GOLGA4: variants seen among roughly 807,000 people sequenced by gnomAD.
GOLGA4 encodes golgin A4.
A neutral mutation model predicts 265.9 loss-of-function variants in GOLGA4; 169 were observed. The observed-to-expected ratio is 0.64, with a 90% CI of 0.56 to 0.72. The LOEUF is 0.72. GOLGA4 is among the 30% of genes least tolerant of loss of function. The pLI is 0.00. For synonymous variants in GOLGA4, 923 were observed against 855.8 expected (o/e 1.08, Z -1.37); for missense variants, 2,482 against 2,483.4 (o/e 1.00, Z 0.01).
rs55842993 is a variant in GOLGA4, at chr3:37,294,382, ATT to A, written c.583-579_583-578del. ...CAAAGTTTTTCTTTTATCTTAAGTAATTTTTTTTTTTTTTTTTTTGGGAGACC... is the reference window on the plus strand; with the variant it reads ...CAAAGTTTTTCTTTTATCTTAAGTAATTTTTTTTTTTTTTTTTGGGAGACC... On this transcript the variant is annotated intron_variant, in intron 5 of 23. Transcript: ENST00000361924. 8.9e-3 allele frequency among the ~76,000 whole-genome samples: 1,181 copies of A among 131,962 alleles called. 12 individuals carry two copies. The highest frequency in any genetic ancestry group is 0.026 in the African/African-American group (892 of 34,784). 86.6% of individuals were successfully genotyped at this position (131,962 alleles called of 152,430 possible).
At chr3:37,257,979 ATATATG>A (rs1348570401) in intron 2 of GOLGA4, among the ~76,000 whole-genome samples, 1 of 105,514 alleles carries the variant, frequency 9.5e-6, no homozygotes, top group Non-Finnish European at 1.8e-5. Context: ...ACATACATAT[ATATATG>A]TATGTATATA....
At chr3:37,300,727 T>C (rs1484604435) in intron 9 of GOLGA4, among the ~76,000 whole-genome samples, 4 of 152,146 alleles carry the variant, frequency 2.6e-5, no homozygotes, top group African/African-American at 4.8e-5. Context: ...ATAAAAGACA[T>C]TATTTTTACA....
intron 7 of GOLGA4, 97 bp downstream of exon 7, chr3:37,296,316 T>C: frequency 8.3e-7 from 1 of 1,204,910 alleles, no homozygotes; most frequent in Non-Finnish European, 1.2e-6. Flanking sequence ...GAGGCCAGTG[T>C]GGGAGGATCG....
At chr3:37,302,024 G>C (rs2096894270) in intron 9 of GOLGA4, among the ~76,000 whole-genome samples, 161 bp from the exon 10 acceptor site, 1 of 152,098 alleles carries the variant, frequency 6.6e-6, no homozygotes, top group African/African-American at 2.4e-5. Flanking sequence ...CCTGATCTCA[G>C]GTGATCCACC....
chr3:37,251,332 C>G lies in GOLGA4; in HGVS notation c.73-63C>G. ...TGGGCATGGACTGAGAGAAGGACTA[C>G]CTAGTTCATAGTTCACTAGTCAATA... On this transcript the variant is annotated intron_variant, in intron 1 of 23. Coordinates refer to ENST00000361924, the MANE Select transcript of GOLGA4 (RefSeq NM_002078.5). The G allele has an allele frequency of 3.0e-6, 3 of 984,736 alleles. No homozygotes were observed. In the Admixed American group the frequency reaches 5.2e-5, roughly 17 times the overall value. The allele number at this position is 984,736 out of a possible 1,614,324, so 61.0% of individuals were successfully genotyped here.
In GOLGA4 at chr3:37,327,719, G is replaced by A. The variant is rs749072869; in HGVS notation, c.5833G>A (p.Glu1945Lys). Residue 1945 changes from glutamate (E) to lysine (K), a missense_variant, in exon 14 of 24, where the codon GAG becomes AAG. Physicochemically the swap from Glu to Lys is moderately conservative, Grantham distance 56. Around this residue, in one of 3 missense-constraint regions of GOLGA4, gnomAD observed 942 missense variants for 983.1 expected, o/e 0.96. Coordinates refer to ENST00000361924, the MANE Select transcript of GOLGA4 (RefSeq NM_002078.5). The part of the protein sequence containing the change: ...AEREKQKLGK[E>K]IVRLQKDLRM... ...ACGGGAGAAACAGAAACTGGGCAAG[G>A]AGATTGTTAGATTGCAGAAAGACCT... 2 of 1,613,832 alleles carry A rather than the reference G, an allele frequency of 1.2e-6. No individual in the cohort carries two copies. The highest frequency in any genetic ancestry group is 1.7e-6 in the Non-Finnish European group (2 of 1,179,774).
rs748763413 is a variant in GOLGA4, at chr3:37,327,204, A to G, written c.5318A>G (p.Tyr1773Cys). 2.5e-6 allele frequency: 4 copies of G among 1,613,948 alleles called. No individual in the cohort carries two copies. The South Asian group carries it at 4.4e-5, about 18-fold the overall frequency. ...VSSHFEMRCQ[Y>C]QERLIKLEHA... ...TCTCATTTTGAAATGCGATGCCAAT[A>G]CCAGGAGCGCTTAATAAAGCTAGAA... The change falls in exon 14 of 24, where the codon TAC (tyrosine) becomes TGC (cysteine). Residue 1773 changes from tyrosine to cysteine, a missense_variant. Transcript: ENST00000361924.
chr3:37,257,975 A>C lies in GOLGA4; in HGVS notation c.162+6491A>C, dbSNP rs1233137205. On this transcript the variant is annotated intron_variant, in intron 2 of 23. Coordinates refer to ENST00000361924, the MANE Select transcript of GOLGA4 (RefSeq NM_002078.5). ...TATGTATATATGTATATATACATACATATATATATGTATGTATATATGTAT... is the reference window on the plus strand; with the variant it reads ...TATGTATATATGTATATATACATACCTATATATATGTATGTATATATGTAT... Among the ~76,000 whole-genome samples the C allele has an allele frequency of 9.7e-5, 5 of 51,492 alleles. No homozygotes were observed. In the East Asian group the frequency reaches 1.3e-3, roughly 14 times the overall value. The allele number at this position is 51,492 out of a possible 152,430, so 33.8% of individuals were successfully genotyped here.
chr3:37,354,234 A>G (rs561921472), intron 21 of GOLGA4, among the ~76,000 whole-genome samples: 13 of 152,140 alleles, frequency 8.5e-5, no homozygotes, highest in Admixed American at 2.6e-4. Flanking sequence ...TGCAAAGTCT[A>G]TGTAACTATG....
chr3:37,281,912 A>C, intron 2 of GOLGA4, 46 bp from the exon 3 acceptor site: 1 of 1,347,742 alleles, frequency 7.4e-7, no homozygotes. Context: ...TGGAAGTCTA[A>C]ATGTATGTAT....
At chr3:37,280,997 A>C (rs895023449) in intron 2 of GOLGA4, among the ~76,000 whole-genome samples, 1 of 152,182 alleles carries the variant, frequency 6.6e-6, no homozygotes, top group Non-Finnish European at 1.5e-5. Context: ...TTGCCTACAC[A>C]TGACCTCAGT....
intron 2 of GOLGA4, among the ~76,000 whole-genome samples, chr3:37,277,444 G>T (rs1472445925): frequency 6.6e-6 from 1 of 152,164 alleles, no homozygotes; most frequent in African/African-American, 2.4e-5. Context: ...AAAATGTTTA[G>T]CATCTTAGTG....
chr3:37,268,171 C>T (rs1208876757), intron 2 of GOLGA4, among the ~76,000 whole-genome samples: 1 of 152,036 alleles, frequency 6.6e-6, no homozygotes, highest in Non-Finnish European at 1.5e-5. Flanking sequence ...ACCCTCAAAT[C>T]CCTGGGCTCA....
At chr3:37,312,604 C>G (rs2096926066) in intron 10 of GOLGA4, among the ~76,000 whole-genome samples, 1 of 150,932 alleles carries the variant, frequency 6.6e-6, no homozygotes, top group Non-Finnish European at 1.5e-5. Context: ...CTCACTGAAG[C>G]CTTGACCTCC....
intron 2 of GOLGA4, among the ~76,000 whole-genome samples, chr3:37,254,292 G>A (rs2096742118): frequency 6.6e-6 from 1 of 151,970 alleles, no homozygotes; most frequent in African/African-American, 2.4e-5. Flanking sequence ...AAGATCTCAG[G>A]AAACTGTATA....
Position 37,298,948 on chromosome 3 carries a change from A to C in GOLGA4, c.930A>C (p.Thr310=), listed in dbSNP as rs770605406. 50 of 1,610,626 alleles carry C rather than the reference A, an allele frequency of 3.1e-5. No homozygotes were observed. Among genetic ancestry groups the C allele is most frequent in the Non-Finnish European group, 3.9e-5 (46 of 1,178,720 alleles). The change falls in exon 8 of 24, where the codon ACA becomes ACC. Residue 310 remains threonine, a synonymous_variant. Transcript: ENST00000361924. ...TTCAGTCACATAAGGAACAATGTACACTATTAACTAGTGAAAAAGAAGCTC... is the reference window on the plus strand; with the variant it reads ...TTCAGTCACATAAGGAACAATGTACCCTATTAACTAGTGAAAAAGAAGCTC... ...ETIQSHKEQC[T]LLTSEKEALQ... is the part of the protein sequence containing the mutation.
intron 2 of GOLGA4, among the ~76,000 whole-genome samples, chr3:37,268,798 A>G (rs2096790416): frequency 6.6e-6 from 1 of 152,118 alleles, no homozygotes; most frequent in African/African-American, 2.4e-5. Flanking sequence ...TCTGGAACTC[A>G]GGCTCAAGTG....
chr3:37,243,879 C>T (rs1194887560), intron 1 of GOLGA4: 1 of 523,358 alleles, frequency 1.9e-6, no homozygotes, highest in East Asian at 3.3e-5. Context: ...CATTCCATCT[C>T]CGTTAAGAGT....
intron 2 of GOLGA4, 91 bp from the exon 3 acceptor site, chr3:37,281,867 G>C: frequency 3.4e-6 from 3 of 895,058 alleles, no homozygotes; most frequent in Non-Finnish European, 5.3e-6. Context: ...CAACTTGTTA[G>C]AACTTTTATT....
Sources: allele counts gnomAD v4.1 joint callset (sites outside exome capture counted in the v4.1 genomes callset), GRCh38; gene constraint gnomAD v4.1.1; regional missense constraint gnomAD v4.1.1; transcripts MANE v1.5; gene names NCBI Gene and HGNC (gene_info 2026-07-23, HGNC 2026-07-21).